Variants in MAPK9 observed in about 807,000 individuals in gnomAD.
MAPK9 encodes Jun kinase.
MAPK9 carries 30 observed loss-of-function variants against 57.1 expected under a neutral mutation model. That is an observed-to-expected ratio of 0.53 (90% confidence interval 0.39 to 0.71). MAPK9 has a LOEUF of 0.71. MAPK9 is among the 30% of genes least tolerant of loss of function. The pLI is 0.00. For synonymous variants in MAPK9, 155 were observed against 177.0 expected (o/e 0.88, Z 0.99); for missense variants, 362 against 521.0 (o/e 0.69, Z 2.97).
intron 3 of MAPK9, among the ~76,000 whole-genome samples, chr5:180,267,852 T>TTTTA (rs542480114): frequency 2.9e-3 from 447 of 151,898 alleles, no homozygotes; most frequent in African/African-American, 6.7e-3. Context: ...ACGTTTTATA[T>TTTTA]TTTATTTATT....
At position 180,236,084 on chromosome 5, in the gene MAPK9, G is replaced by T. The variant is rs377635536; in HGVS notation, c.*300C>A. Reference sequence around the variant, plus strand: ...ATGCACATACATCTCAACAGTTACAGATGATGAGAAACTGTCACTAGTACA... The same window carrying T: ...ATGCACATACATCTCAACAGTTACATATGATGAGAAACTGTCACTAGTACA... On this transcript the variant is annotated 3_prime_UTR_variant, in exon 12 of 12. Coordinates refer to ENST00000452135, the MANE Select transcript of MAPK9 (RefSeq NM_002752.5). The T allele has an allele frequency of 1.1e-4, 24 of 217,262 alleles. No individual in the cohort carries two copies. Among genetic ancestry groups the T allele is most frequent in the African/African-American group, 5.2e-4 (23 of 43,910 alleles). The allele number at this position is 217,262 out of a possible 1,614,324, so 13.5% of individuals were successfully genotyped here.
At chr5:180,267,955 C>T (rs1760822467) in intron 3 of MAPK9, among the ~76,000 whole-genome samples, 3 of 152,204 alleles carry the variant, frequency 2.0e-5, no homozygotes, top group East Asian at 1.9e-4. Context: ...CTCTGCCTCC[C>T]GGGTTCATGC....
Position 180,235,370 on chromosome 5 carries a change from A to T in MAPK9, c.*1014T>A, listed in dbSNP as rs1052050755. The T allele has an allele frequency of 6.6e-6, 1 of 152,230 alleles. No homozygotes were observed. The highest frequency in any genetic ancestry group is 2.4e-5 in the African/African-American group (1 of 41,450). The allele number at this position is 152,230 out of a possible 1,614,324, so 9.4% of individuals were successfully genotyped here. A position where few individuals can be genotyped will look rare whatever the true frequency, so the allele number is the denominator to read the frequency against. ...CGTGGTATTGGCCGAGGGAAAGTGA[A>T]TGAGGGAAGGTAAATAAAGGACCCA... On this transcript the variant is annotated 3_prime_UTR_variant, in exon 12 of 12. Coordinates refer to ENST00000452135, the MANE Select transcript of MAPK9 (RefSeq NM_002752.5).
At chr5:180,268,743 C>T (rs1356851396) in intron 3 of MAPK9, among the ~76,000 whole-genome samples, 2 of 151,452 alleles carry the variant, frequency 1.3e-5, no homozygotes, top group Non-Finnish European at 2.9e-5. Context: ...AGGAAAATGG[C>T]ATGAACCCGG....
intron 5 of MAPK9, among the ~76,000 whole-genome samples, chr5:180,252,182 G>C (rs1354500125): frequency 6.6e-6 from 1 of 152,180 alleles, no homozygotes; most frequent in African/African-American, 2.4e-5. Context: ...CAAAGGCTTA[G>C]AGCAAGGCTG....
intron 2 of MAPK9, among the ~76,000 whole-genome samples, chr5:180,270,334 T>A (rs897593732): frequency 6.6e-6 from 1 of 152,248 alleles, no homozygotes; most frequent in Non-Finnish European, 1.5e-5. Context: ...TGTTTTAAAG[T>A]TGAAGGCTAT....
intron 2 of MAPK9, among the ~76,000 whole-genome samples, chr5:180,273,106 C>T (rs1313662602): frequency 2.0e-5 from 3 of 152,140 alleles, no homozygotes; most frequent in Admixed American, 6.6e-5. Flanking sequence ...GGTATTTCGT[C>T]GCAGTTTTAA....
In MAPK9 at chr5:180,241,158, A is replaced by C; in HGVS notation, c.872-3T>G. 2 of 1,610,794 alleles carry C rather than the reference A, an allele frequency of 1.2e-6. No homozygotes were observed. Among genetic ancestry groups the C allele is most frequent in the Non-Finnish European group, 1.7e-6 (2 of 1,178,662 alleles). On this transcript the variant is annotated splice_region_variant and splice_polypyrimidine_tract_variant and intron_variant, in intron 8 of 11. Transcript: ENST00000452135. Reference sequence around the variant, plus strand: ...TAACAGATCTCTGGCTTGACTTGCTAGGGTGACAACAAATATTAAATTAAT... The same window carrying C: ...TAACAGATCTCTGGCTTGACTTGCTCGGGTGACAACAAATATTAAATTAAT...
chr5:180,244,778 GAAA>G (rs77077681), intron 7 of MAPK9, among the ~76,000 whole-genome samples: 1,745 of 127,382 alleles, frequency 0.014, 27 homozygotes, highest in African/African-American at 0.043. Context: ...TGTCTCAAAG[GAAA>G]AAAAAAAAAA....
At position 180,236,249 on chromosome 5, in the gene MAPK9, G is replaced by C; in HGVS notation, c.*135C>G. 2 of 980,922 alleles carry C rather than the reference G, an allele frequency of 2.0e-6. No homozygotes were observed. The highest frequency in any genetic ancestry group is 1.6e-5 in the African/African-American group (1 of 60,830). The allele number at this position is 980,922 out of a possible 1,614,324, so 60.8% of individuals were successfully genotyped here. On this transcript the variant is annotated 3_prime_UTR_variant, in exon 12 of 12. Coordinates refer to ENST00000452135, the MANE Select transcript of MAPK9 (RefSeq NM_002752.5). ...CTAAGCAGGCAATCCTATCAGGTCTGAGTAGGGCAAGGCATTGTGTTTCTT... is the reference window on the plus strand; with the variant it reads ...CTAAGCAGGCAATCCTATCAGGTCTCAGTAGGGCAAGGCATTGTGTTTCTT...
At chr5:180,258,862 TAAAAAAAAA>T (rs531705510) in intron 5 of MAPK9, among the ~76,000 whole-genome samples, 2 of 96,042 alleles carry the variant, frequency 2.1e-5, no homozygotes, top group African/African-American at 8.2e-5. Flanking sequence ...CTGTCTCTAC[TAAAAAAAAA>T]AAAAAAAAAA....
Position 180,252,071 on chromosome 5 carries a change from C to T in MAPK9, c.451-2933G>A, listed in dbSNP as rs548602399. 2.0e-5 allele frequency among the ~76,000 whole-genome samples: 3 copies of T among 152,266 alleles called. No individual in the cohort carries two copies. In the South Asian group the frequency reaches 6.2e-4, roughly 32 times the overall value. ...GACCCCAAACACTCTCAGGGCTCCT[C>T]CACTTGCAGGGTTCGTGGGGTCAGG... On this transcript the variant is annotated intron_variant, in intron 5 of 11. Transcript: ENST00000452135.
intron 11 of MAPK9, 23 bp downstream of exon 11, chr5:180,238,309 A>T (rs970919749): frequency 6.3e-7 from 1 of 1,580,890 alleles, no homozygotes; most frequent in Non-Finnish European, 8.6e-7. Context: ...AATATCATAC[A>T]ATCAATTAAA....
chr5:180,278,065 G>A (rs751040921), intron 2 of MAPK9, among the ~76,000 whole-genome samples: 2 of 152,234 alleles, frequency 1.3e-5, no homozygotes, highest in African/African-American at 2.4e-5. Context: ...TTTAATAGGT[G>A]TTTAGTGAAT....
intron 2 of MAPK9, among the ~76,000 whole-genome samples, chr5:180,279,191 C>T (rs1021294578): frequency 7.2e-5 from 11 of 152,102 alleles, no homozygotes; most frequent in African/African-American, 1.9e-4. Flanking sequence ...CTCTTGACCT[C>T]GTGATCTGCC....
intron 11 of MAPK9, 96 bp downstream of exon 11, chr5:180,238,236 C>A: frequency 1.1e-6 from 1 of 924,452 alleles, no homozygotes; most frequent in Admixed American, 2.0e-5. Context: ...CGCCGCTGCT[C>A]TCCAGCCTGG....
intron 2 of MAPK9, chr5:180,279,705 GAA>G: frequency 2.8e-6 from 1 of 359,294 alleles, no homozygotes; most frequent in Non-Finnish European, 5.5e-6. Context: ...AAAAGAAAAA[GAA>G]AAAAAAAAGT....
At chr5:180,256,801 C>T (rs947539694) in intron 5 of MAPK9, among the ~76,000 whole-genome samples, 1 of 152,168 alleles carries the variant, frequency 6.6e-6, no homozygotes, top group Non-Finnish European at 1.5e-5. Context: ...GCCATTGTTT[C>T]CCACTTACCT....
intron 2 of MAPK9, chr5:180,280,034 C>A (rs916873622): frequency 4.4e-6 from 2 of 457,374 alleles, no homozygotes; most frequent in Non-Finnish European, 8.8e-6. Flanking sequence ...GCAATGATGG[C>A]GCCTGGAAAT....
Sources: gnomAD v4.1 joint callset for allele counts (sites outside exome capture counted in the v4.1 genomes callset) on GRCh38, gnomAD v4.1.1 for gene constraint, MANE v1.5 for transcripts, NCBI Gene and HGNC (gene_info 2026-07-23, HGNC 2026-07-21) for gene names.